The following SESTD1 variants were observed in gnomAD, a reference collection of about 807,000 sequenced individuals.
SESTD1 encodes the protein SEC14 and spectrin domain containing 1.
A neutral mutation model predicts 101.7 loss-of-function variants in SESTD1; 43 were observed. That is an observed-to-expected ratio of 0.42 (90% confidence interval 0.33 to 0.55). SESTD1 has a LOEUF of 0.55. Among genes scored for constraint, SESTD1 ranks in the 20% least tolerant of loss-of-function variants. The probability of loss-of-function intolerance (pLI) is 0.07; values close to 1 mark genes in which losing one functional copy is unlikely to be tolerated. For missense variants in SESTD1, 647 were observed against 815.1 expected (o/e 0.79, Z 2.51); for synonymous variants, 283 against 286.8 (o/e 0.99, Z 0.13).
Position 179,104,755 on chromosome 2 carries a change from T to C in SESTD1, c.*5144A>G, listed in dbSNP as rs1018122172. 2 of 152,086 alleles carry C rather than the reference T, an allele frequency of 1.3e-5. No individual in the cohort carries two copies. The highest frequency in any genetic ancestry group is 2.4e-5 in the African/African-American group (1 of 41,410). 9.4% of individuals were successfully genotyped at this position (152,086 alleles called of 1,614,324 possible). A position where few individuals can be genotyped will look rare whatever the true frequency, so the allele number is the denominator to read the frequency against. ...AGTTAAGAATTCCTATAAAATTACA[T>C]ATAGGAATTATACATACAGCCTCAT... On this transcript the variant is annotated 3_prime_UTR_variant, in exon 18 of 18. Coordinates refer to ENST00000428443, the MANE Select transcript of SESTD1 (RefSeq NM_178123.5).
At chr2:179,185,580 T>C (rs2046204653) in intron 2 of SESTD1, among the ~76,000 whole-genome samples, 1 of 131,672 alleles carries the variant, frequency 7.6e-6, no homozygotes, top group African/African-American at 2.9e-5. Flanking sequence ...TAATATACTA[T>C]ATTATATATT....
chr2:179,123,675 A>AG, intron 12 of SESTD1, 40 bp downstream of exon 12: 1 of 1,456,674 alleles, frequency 6.9e-7, no homozygotes, highest in South Asian at 1.2e-5. Flanking sequence ...ATTTAAAAAA[A>AG]AAAAAACCTT....
At chr2:179,178,796 T>G (rs920347303) in intron 3 of SESTD1, among the ~76,000 whole-genome samples, 8 of 152,310 alleles carry the variant, frequency 5.3e-5, no homozygotes, top group African/African-American at 1.4e-4. Flanking sequence ...TTCTCAACAC[T>G]GGCATCTGTA....
At chr2:179,159,370 C>T (rs566485390) in intron 5 of SESTD1, among the ~76,000 whole-genome samples, 1 of 152,294 alleles carries the variant, frequency 6.6e-6, no homozygotes, top group South Asian at 2.1e-4. Flanking sequence ...TTCAACTCCA[C>T]TCCAATGATG....
chr2:179,109,484 G>A lies in SESTD1; in HGVS notation c.*415C>T, dbSNP rs905950433. 1.3e-5 allele frequency: 5 copies of A among 379,558 alleles called. No homozygotes were observed. The highest frequency in any genetic ancestry group is 1.0e-4 in the African/African-American group (5 of 48,236). 23.5% of individuals were successfully genotyped at this position (379,558 alleles called of 1,614,324 possible). ...AAAGTAAAATTTTGAGGACACCACTGTCTACTAACAAGAGTTTAACTACTG... is the reference window on the plus strand; with the variant it reads ...AAAGTAAAATTTTGAGGACACCACTATCTACTAACAAGAGTTTAACTACTG... On this transcript the variant is annotated 3_prime_UTR_variant, in exon 18 of 18. Transcript: ENST00000428443.
At position 179,143,742 on chromosome 2, in the gene SESTD1, T is replaced by A; in HGVS notation, c.699A>T (p.Ser233=). The change falls in exon 9 of 18, where the codon TCA becomes TCT. Residue 233 remains serine (S), a synonymous_variant. Coordinates refer to ENST00000428443, the MANE Select transcript of SESTD1 (RefSeq NM_178123.5). ...GAAGTTCATCATCCATAGGAGACCA[T>A]GAAACCCCTCCGTCTGAGCCATTAA... is the stretch of plus-strand genomic sequence containing the variant. ...RRFNGSDGGV[S]WSPMDDELLA... 6.2e-7 allele frequency: 1 copy of A among 1,613,980 alleles called. No homozygotes were observed. Among genetic ancestry groups the A allele is most frequent in the Non-Finnish European group, 8.5e-7 (1 of 1,179,922 alleles).
At chr2:179,162,717 G>A (rs893065637) in intron 5 of SESTD1, among the ~76,000 whole-genome samples, 2 of 151,872 alleles carry the variant, frequency 1.3e-5, no homozygotes, top group African/African-American at 4.8e-5. Context: ...GCTGGGCACG[G>A]TGGCTCATGT....
chr2:179,161,181 CAA>C (rs2045729548), intron 5 of SESTD1, among the ~76,000 whole-genome samples: 1 of 151,504 alleles, frequency 6.6e-6, no homozygotes. Flanking sequence ...CTCAGCCTCC[CAA>C]AGTGTTGGGA....
rs138472457 is a variant in SESTD1, at chr2:179,167,043, C to A, written c.369+5077G>T. ...ACACACAAAAAAGGAAGGAAAATGA[C>A]CCACTGTCAAGAAACAAAGCAAACA... is the stretch of plus-strand genomic sequence containing the variant. On this transcript the variant is annotated intron_variant, in intron 5 of 17. Coordinates refer to ENST00000428443, the MANE Select transcript of SESTD1 (RefSeq NM_178123.5). Among the ~76,000 whole-genome samples, 332 of 152,224 alleles carry A rather than the reference C, an allele frequency of 2.2e-3. 2 individuals are homozygous for A. The highest frequency in any genetic ancestry group is 7.6e-3 in the African/African-American group (314 of 41,530).
At chr2:179,134,688 A>G (rs1225582017) in intron 9 of SESTD1, among the ~76,000 whole-genome samples, 2 of 152,126 alleles carry the variant, frequency 1.3e-5, no homozygotes, top group Admixed American at 6.5e-5. Flanking sequence ...CTTGGGTCCA[A>G]TGATGATGTA....
In SESTD1 at chr2:179,156,128, A is replaced by C. The variant is rs1021346841; in HGVS notation, c.370-4737T>G. ...TACGTGTATATATATATATGTGTGT[A>C]TATACGTATATATGTATATATATGT... On this transcript the variant is annotated intron_variant, in intron 5 of 17. Transcript: ENST00000428443. 2.0e-5 allele frequency among the ~76,000 whole-genome samples: 3 copies of C among 150,446 alleles called. No homozygotes were observed. The Admixed American group carries it at 2.0e-4, about 10-fold the overall frequency.
chr2:179,229,872 CAACA>C (rs2046957020), intron 1 of SESTD1, among the ~76,000 whole-genome samples: 1 of 145,746 alleles, frequency 6.9e-6, no homozygotes, highest in Non-Finnish European at 1.5e-5. Context: ...AAAAGCCATC[CAACA>C]AACAAACCAA....
intron 1 of SESTD1, among the ~76,000 whole-genome samples, chr2:179,261,550 CATG>C (rs1270403883): frequency 1.3e-5 from 2 of 152,166 alleles, no homozygotes; most frequent in East Asian, 1.9e-4. Context: ...CCAATAAAAA[CATG>C]ATAAGATGAA....
At chr2:179,256,628 C>T (rs751452369) in intron 1 of SESTD1, among the ~76,000 whole-genome samples, 10 of 151,970 alleles carry the variant, frequency 6.6e-5, no homozygotes, top group South Asian at 2.1e-4. Context: ...CTGGCTAACA[C>T]GGTGAAACCC....
intron 1 of SESTD1, among the ~76,000 whole-genome samples, chr2:179,219,124 A>G (rs956143220): frequency 7.2e-5 from 11 of 152,122 alleles, no homozygotes; most frequent in Admixed American, 2.0e-4. Flanking sequence ...TGCCAAGAAC[A>G]GCAAGTTCTT....
chr2:179,157,969 A>G (rs955302881), intron 5 of SESTD1, among the ~76,000 whole-genome samples: 1 of 152,136 alleles, frequency 6.6e-6, no homozygotes, highest in Non-Finnish European at 1.5e-5. Flanking sequence ...TGCTTTTGTC[A>G]TAACAGCATA....
intron 1 of SESTD1, among the ~76,000 whole-genome samples, chr2:179,249,778 A>C (rs568181933): frequency 1.2e-4 from 19 of 152,254 alleles, no homozygotes; most frequent in African/African-American, 4.1e-4. Flanking sequence ...GAACTCAGAA[A>C]TAGAAACACA....
intron 1 of SESTD1, among the ~76,000 whole-genome samples, chr2:179,198,712 AC>A (rs1210718595): frequency 1.3e-5 from 2 of 152,062 alleles, no homozygotes; most frequent in Non-Finnish European, 2.9e-5. Context: ...ACTACTGGGT[AC>A]ATAACGAAAT....
At chr2:179,191,722 A>T in intron 2 of SESTD1, 65 bp downstream of exon 2, 2 of 1,339,690 alleles carry the variant, frequency 1.5e-6, no homozygotes, top group Non-Finnish European at 2.1e-6. Flanking sequence ...TGTCATACTT[A>T]ACAAAGAAGA....
Sources: gnomAD v4.1 joint callset for allele counts (sites outside exome capture counted in the v4.1 genomes callset) on GRCh38, gnomAD v4.1.1 for gene constraint, MANE v1.5 for transcripts, NCBI Gene and HGNC (gene_info 2026-07-23, HGNC 2026-07-21) for gene names.